MMP15: variants seen among roughly 807,000 people sequenced by gnomAD.
MMP15 encodes the protein matrix metalloproteinase-15.
Under a neutral mutation model 65.0 loss-of-function variants are expected in MMP15, and 36 were observed. That is an observed-to-expected ratio of 0.55 (90% confidence interval 0.42 to 0.73). The LOEUF is 0.73. Among genes scored for constraint, MMP15 ranks in the 30% least tolerant of loss-of-function variants. The probability of loss-of-function intolerance (pLI) is 0.00; values close to 1 mark genes in which losing one functional copy is unlikely to be tolerated. For synonymous variants in MMP15, 428 were observed against 410.2 expected (o/e 1.04, Z -0.52); for missense variants, 870 against 987.8 (o/e 0.88, Z 1.60).
At chr16:58,035,069 G>A (rs941594832) in intron 1 of MMP15, among the ~76,000 whole-genome samples, 2 of 152,120 alleles carry the variant, frequency 1.3e-5, no homozygotes, top group Non-Finnish European at 2.9e-5. Flanking sequence ...CCAGTCCCCC[G>A]CCACTCCCCC....
At chr16:58,041,974 C>G (rs959130053) in intron 6 of MMP15, 104 bp downstream of exon 6, 8 of 1,374,074 alleles carry the variant, frequency 5.8e-6, no homozygotes, top group Non-Finnish European at 7.8e-6. Flanking sequence ...ATTAAGCCCT[C>G]AGCTCTAGAT....
In MMP15 at chr16:58,045,170, C is replaced by T; in HGVS notation, c.1734C>T (p.Asn578=). Residue 578 remains asparagine (N), a synonymous_variant, in exon 10 of 10, where the codon AAC becomes AAT. Transcript: ENST00000219271. ...CCGACGTGGCCCGGCCGCCCTTCAACCCCCACGGGGGTGCAGAGCCCGGGG... is the reference window on the plus strand; with the variant it reads ...CCGACGTGGCCCGGCCGCCCTTCAATCCCCACGGGGGTGCAGAGCCCGGGG... ...RWPDVARPPF[N]PHGGAEPGAD... is the part of the protein sequence containing the mutation. 1.3e-6 allele frequency: 2 copies of T among 1,594,604 alleles called. No homozygotes were observed. Among genetic ancestry groups the T allele is most frequent in the Non-Finnish European group, 1.7e-6 (2 of 1,171,058 alleles).
Position 58,043,215 on chromosome 16 carries a change from C to T in MMP15, c.1309C>T (p.Arg437Cys), listed in dbSNP as rs777622810. The T allele has an allele frequency of 2.5e-6, 4 of 1,589,736 alleles. No homozygotes were observed. Among genetic ancestry groups the T allele is most frequent in the East Asian group, 2.3e-5 (1 of 44,232 alleles). Reference protein sequence around the residue: ...DGRFVFFKGDRYWLFREANLE... With the variant: ...DGRFVFFKGDCYWLFREANLE... Reference sequence around the variant, plus strand: ...GCCTGCCACCCCTCCTGTAGGTGACCGCTACTGGCTCTTTCGAGAAGCGAA... The same window carrying T: ...GCCTGCCACCCCTCCTGTAGGTGACTGCTACTGGCTCTTTCGAGAAGCGAA... The change falls in exon 8 of 10, where the codon CGC (arginine) becomes TGC (cysteine). Residue 437 changes from arginine to cysteine, a missense_variant. Physicochemically the swap from Arg to Cys is radical, Grantham distance 180. Coordinates refer to ENST00000219271, the MANE Select transcript of MMP15 (RefSeq NM_002428.4).
At position 58,045,656 on chromosome 16, in the gene MMP15, G is replaced by A. The variant is rs897853506; in HGVS notation, c.*210G>A. 5.3e-6 allele frequency: 3 copies of A among 569,010 alleles called. No homozygotes were observed. The highest frequency in any genetic ancestry group is 4.5e-4 in the Middle Eastern group (1 of 2,204). 35.2% of individuals were successfully genotyped at this position (569,010 alleles called of 1,614,324 possible). A position where few individuals can be genotyped will look rare whatever the true frequency, so the allele number is the denominator to read the frequency against. On this transcript the variant is annotated 3_prime_UTR_variant, in exon 10 of 10. Coordinates refer to ENST00000219271, the MANE Select transcript of MMP15 (RefSeq NM_002428.4). ...TTTCTGTTTCCCCGACTGGGGCAGG[G>A]TGTTTAGAATTTTCTAAATGTAGTT...
intron 1 of MMP15, 45 bp from the exon 2 acceptor site, chr16:58,037,427 G>T (rs1959352664): frequency 6.2e-7 from 1 of 1,600,258 alleles, no homozygotes; most frequent in Non-Finnish European, 8.5e-7. Flanking sequence ...ATGTTTGGAG[G>T]TAGCAGTGCC....
Position 58,041,748 on chromosome 16 carries a change from C to T in MMP15, c.1042C>T (p.Pro348Ser). ...CCCAGGTGGGAAGCCAGAGCGGCCC[C>T]CAAAGCCGGGCCCCCCAGTCCAGCC... ...PPPGGKPERP[P>S]KPGPPVQPRA... The change falls in exon 6 of 10, where the codon CCA becomes TCA. Residue 348 changes from proline to serine, a missense_variant. Physicochemically the swap from Pro to Ser is moderately conservative, Grantham distance 74. Coordinates refer to ENST00000219271, the MANE Select transcript of MMP15 (RefSeq NM_002428.4). 6.2e-7 allele frequency: 1 copy of T among 1,600,296 alleles called. No individual in the cohort carries two copies. Among genetic ancestry groups the T allele is most frequent in the Non-Finnish European group, 8.5e-7 (1 of 1,173,342 alleles).
At chr16:58,026,932 G>T (rs1963825891) in intron 1 of MMP15, among the ~76,000 whole-genome samples, 1 of 152,230 alleles carries the variant, frequency 6.6e-6, no homozygotes. Flanking sequence ...CTGCTCTCGG[G>T]GACAGCCACA....
At chr16:58,037,293 T>C (rs967425048) in intron 1 of MMP15, among the ~76,000 whole-genome samples, 179 bp from the exon 2 acceptor site, 12 of 152,154 alleles carry the variant, frequency 7.9e-5, no homozygotes, top group African/African-American at 1.7e-4. Context: ...CTGGCTCTTA[T>C]GTGAGGAGAG....
Position 58,043,538 on chromosome 16 carries a change from A to G in MMP15, c.1481A>G (p.Gln494Arg), listed in dbSNP as rs1363529522. Residue 494 changes from glutamine (Q) to arginine (R), a missense_variant, in exon 9 of 10, where the codon CAG becomes CGG. By Grantham distance (43) the Gln-to-Arg change is conservative. Transcript: ENST00000219271. ...DRYWRFNEET[Q>R]RGDPGYPKPI... ...TACTGGCGCTTCAACGAGGAGACAC[A>G]GCGTGGAGACCCTGGGTACCCCAAG... 5.6e-6 allele frequency: 9 copies of G among 1,613,904 alleles called. No homozygotes were observed. Among genetic ancestry groups the G allele is most frequent in the Non-Finnish European group, 7.6e-6 (9 of 1,179,962 alleles).
intron 1 of MMP15, among the ~76,000 whole-genome samples, chr16:58,035,656 A>G (rs1225731437): frequency 6.6e-6 from 1 of 152,162 alleles, no homozygotes; most frequent in Admixed American, 6.5e-5. Flanking sequence ...AGGTGGAGTG[A>G]CACCTCGGAA....
At chr16:58,034,933 C>G (rs904850530) in intron 1 of MMP15, among the ~76,000 whole-genome samples, 1 of 152,150 alleles carries the variant, frequency 6.6e-6, no homozygotes, top group Non-Finnish European at 1.5e-5. Flanking sequence ...GATCCTCCCC[C>G]ACCCTCCCCT....
At chr16:58,035,976 T>G (rs1959322634) in intron 1 of MMP15, among the ~76,000 whole-genome samples, 1 of 152,148 alleles carries the variant, frequency 6.6e-6, no homozygotes, top group Non-Finnish European at 1.5e-5. Context: ...AGGTATTAGA[T>G]GTAACACTGG....
chr16:58,045,172 C>T lies in MMP15; in HGVS notation c.1736C>T (p.Pro579Leu). 1 of 1,594,266 alleles carries T rather than the reference C, an allele frequency of 6.3e-7. No individual in the cohort carries two copies. The highest frequency in any genetic ancestry group is 8.5e-7 in the Non-Finnish European group (1 of 1,170,898). ...WPDVARPPFN[P>L]HGGAEPGADS... ...GACGTGGCCCGGCCGCCCTTCAACC[C>T]CCACGGGGGTGCAGAGCCCGGGGCG... Residue 579 changes from proline to leucine, a missense_variant, in exon 10 of 10, where the codon CCC (proline) becomes CTC (leucine). Pro to Leu is a moderately conservative substitution (Grantham distance 98, BLOSUM62 -3). Transcript: ENST00000219271.
Position 58,043,219 on chromosome 16 carries a change from A to G in MMP15, c.1313A>G (p.Tyr438Cys), listed in dbSNP as rs756865027. 5.0e-6 allele frequency: 8 copies of G among 1,597,412 alleles called. No individual in the cohort carries two copies. The African/African-American group carries it at 6.7e-5, about 13-fold the overall frequency. The change falls in exon 8 of 10, where the codon TAC becomes TGC. Residue 438 changes from tyrosine to cysteine, a missense_variant. By Grantham distance (194) the Tyr-to-Cys change is radical. Coordinates refer to ENST00000219271, the MANE Select transcript of MMP15 (RefSeq NM_002428.4). Reference protein sequence around the residue: ...GRFVFFKGDRYWLFREANLEP... With the variant: ...GRFVFFKGDRCWLFREANLEP... Reference sequence around the variant, plus strand: ...GCCACCCCTCCTGTAGGTGACCGCTACTGGCTCTTTCGAGAAGCGAACCTG... The same window carrying G: ...GCCACCCCTCCTGTAGGTGACCGCTGCTGGCTCTTTCGAGAAGCGAACCTG...
chr16:58,028,471 T>C (rs1963854779), intron 1 of MMP15, among the ~76,000 whole-genome samples: 1 of 152,156 alleles, frequency 6.6e-6, no homozygotes, highest in Non-Finnish European at 1.5e-5. Flanking sequence ...ACAGGCTGCT[T>C]CTAGGGTCCC....
intron 1 of MMP15, among the ~76,000 whole-genome samples, chr16:58,032,514 G>C (rs1959254447): frequency 6.6e-6 from 1 of 152,248 alleles, no homozygotes; most frequent in Non-Finnish European, 1.5e-5. Flanking sequence ...GGCCTGGCGG[G>C]TGGCTGGGCT....
intron 1 of MMP15, among the ~76,000 whole-genome samples, chr16:58,034,337 G>A (rs1353129919): frequency 6.6e-6 from 1 of 152,208 alleles, no homozygotes; most frequent in Non-Finnish European, 1.5e-5. Flanking sequence ...CCTGCAGGCA[G>A]CAGCACCTCT....
chr16:58,029,328 T>C (rs1442558609), intron 1 of MMP15, among the ~76,000 whole-genome samples: 2 of 152,230 alleles, frequency 1.3e-5, no homozygotes, highest in Non-Finnish European at 2.9e-5. Flanking sequence ...GGTCCCCTCT[T>C]TCTTTTAAAC....
chr16:58,039,612 G>A (rs948152733), intron 3 of MMP15, among the ~76,000 whole-genome samples: 1 of 152,162 alleles, frequency 6.6e-6, no homozygotes, highest in African/African-American at 2.4e-5. Context: ...CTTTCCCCCA[G>A]CCACATAGCA....
Sources: gnomAD v4.1 joint callset for allele counts (sites outside exome capture counted in the v4.1 genomes callset) on GRCh38, gnomAD v4.1.1 for gene constraint, MANE v1.5 for transcripts, NCBI Gene and HGNC (gene_info 2026-07-23, HGNC 2026-07-21) for gene names.